PARD3B: variants seen among roughly 807,000 people sequenced by gnomAD.
PARD3B encodes par-3 family cell polarity regulator beta, also known as partitioning defective 3 homolog B.
In PARD3B, 103 loss-of-function variants were observed where a neutral mutation model predicts 130.2. The ratio of observed to expected loss-of-function variants is 0.79; its 90% CI spans 0.67 to 0.93. PARD3B has a LOEUF of 0.93. Ranked by LOEUF, PARD3B falls within the 40% of genes least tolerant of loss-of-function variation. PARD3B has a pLI of 0.00. For missense variants in PARD3B, 1,609 were observed against 1,499.2 expected (o/e 1.07, Z -1.21); for synonymous variants, 583 against 553.2 (o/e 1.05, Z -0.76).
chr2:205,164,601 A>C (rs2034694518), intron 11 of PARD3B, among the ~76,000 whole-genome samples: 1 of 152,078 alleles, frequency 6.6e-6, no homozygotes, highest in Non-Finnish European at 1.5e-5. Context: ...ACTGAATAAA[A>C]TTTTGGAATG....
intron 15 of PARD3B, among the ~76,000 whole-genome samples, chr2:205,199,486 C>T (rs759779): frequency 0.8 from 120,786 of 151,860 alleles, 48,640 homozygotes; most frequent in East Asian, 0.98. Context: ...CACACACACA[C>T]ATATATATAC....
chr2:205,181,227 A>G (rs761127668), intron 13 of PARD3B, among the ~76,000 whole-genome samples: 8 of 152,300 alleles, frequency 5.3e-5, no homozygotes, highest in Middle Eastern at 3.4e-3. Flanking sequence ...CCTCTGAGAC[A>G]CATCATAGTA....
At chr2:204,759,128 A>G (rs1455574801) in intron 2 of PARD3B, among the ~76,000 whole-genome samples, 2 of 152,128 alleles carry the variant, frequency 1.3e-5, no homozygotes, top group Admixed American at 6.6e-5. Context: ...TTCTCATAAT[A>G]ATTCTTCATG....
chr2:204,581,279 C>G (rs569890219), intron 1 of PARD3B, among the ~76,000 whole-genome samples: 1 of 152,264 alleles, frequency 6.6e-6, no homozygotes, highest in African/African-American at 2.4e-5. Flanking sequence ...ATCTAATTCT[C>G]CTAAAAGGGG....
chr2:204,930,239 G>T (rs941549134), intron 2 of PARD3B, among the ~76,000 whole-genome samples: 1 of 148,762 alleles, frequency 6.7e-6, no homozygotes. Flanking sequence ...CTAACATTTT[G>T]GAGTACAGTG....
intron 20 of PARD3B, among the ~76,000 whole-genome samples, chr2:205,456,248 T>A (rs920817069): frequency 1.3e-5 from 2 of 152,152 alleles, no homozygotes; most frequent in African/African-American, 2.4e-5. Flanking sequence ...TACCATTTGC[T>A]TAATCATTCA....
At chr2:205,520,537 G>A (rs2106396266) in intron 21 of PARD3B, among the ~76,000 whole-genome samples, 1 of 152,192 alleles carries the variant, frequency 6.6e-6, no homozygotes, top group Non-Finnish European at 1.5e-5. Context: ...GCTTAGGCCT[G>A]GAAGACAACA....
At chr2:205,010,164 G>T (rs995064609) in intron 3 of PARD3B, among the ~76,000 whole-genome samples, 4 of 152,138 alleles carry the variant, frequency 2.6e-5, no homozygotes, top group Non-Finnish European at 5.9e-5. Flanking sequence ...AGTCGGGGGA[G>T]ATCAGTTCCT....
chr2:204,748,539 A>G (rs991386760), intron 2 of PARD3B, among the ~76,000 whole-genome samples: 5 of 152,214 alleles, frequency 3.3e-5, no homozygotes, highest in South Asian at 4.1e-4. Context: ...TTGACTAGAC[A>G]TGGGGAGGTT....
Position 205,616,072 on chromosome 2 carries a change from G to A in PARD3B, c.*259G>A, listed in dbSNP as rs1285090116. 8 of 477,900 alleles carry A rather than the reference G, an allele frequency of 1.7e-5. No individual in the cohort carries two copies. The highest frequency in any genetic ancestry group is 2.6e-5 in the Non-Finnish European group (7 of 270,768). 29.6% of individuals were successfully genotyped at this position (477,900 alleles called of 1,614,324 possible). ...ACCTGATAGTTGAAACGCTTTCAGA[G>A]TTGTTCAAATCAGTGAGAGTGGCAA... On this transcript the variant is annotated 3_prime_UTR_variant, in exon 23 of 23. Transcript: ENST00000406610.
chr2:205,577,877 T>A (rs2053819462), intron 22 of PARD3B, among the ~76,000 whole-genome samples: 1 of 152,230 alleles, frequency 6.6e-6, no homozygotes, highest in African/African-American at 2.4e-5. Context: ...CCCATTGCTT[T>A]CCAAAGAAAG....
At chr2:205,448,192 G>A (rs1024785077) in intron 20 of PARD3B, among the ~76,000 whole-genome samples, 2 of 152,142 alleles carry the variant, frequency 1.3e-5, no homozygotes, top group African/African-American at 2.4e-5. Flanking sequence ...AGCCATTTGG[G>A]GAATGTGTAC....
rs1457491925 is a variant in PARD3B, at chr2:204,606,986, G to T, written c.120+60867G>T. 6.6e-6 allele frequency among the ~76,000 whole-genome samples: 1 copy of T among 151,986 alleles called. No individual in the cohort carries two copies. The highest frequency in any genetic ancestry group is 2.4e-5 in the African/African-American group (1 of 41,390). ...GCACCTGTCCTCCACTTTGATTCTT[G>T]CTTTAAAGTACATACTGGTTAGCAA... On this transcript the variant is annotated intron_variant, in intron 1 of 22. Transcript: ENST00000406610. The surrounding 1 kb of genome is among the most constrained non-coding windows in gnomAD (Gnocchi z 4.0).
chr2:204,984,979 G>A (rs909189001), intron 3 of PARD3B, among the ~76,000 whole-genome samples: 2 of 146,228 alleles, frequency 1.4e-5, no homozygotes, highest in South Asian at 2.2e-4. Flanking sequence ...AAGTCATTCA[G>A]TACAGCCCCA....
intron 1 of PARD3B, among the ~76,000 whole-genome samples, chr2:204,554,164 T>G (rs1323452385): frequency 1.3e-5 from 2 of 152,180 alleles, no homozygotes; most frequent in African/African-American, 4.8e-5. Context: ...TTTCCTCCTC[T>G]ACGTCTTAGC....
chr2:205,001,891 A>G (rs1160686894), intron 3 of PARD3B, among the ~76,000 whole-genome samples: 2 of 152,198 alleles, frequency 1.3e-5, no homozygotes, highest in East Asian at 3.9e-4. Flanking sequence ...ATTGGAGACG[A>G]TGCTGTCACC....
chr2:205,485,734 C>T (rs921568611), intron 20 of PARD3B, among the ~76,000 whole-genome samples: 18 of 152,166 alleles, frequency 1.2e-4, no homozygotes, highest in African/African-American at 3.9e-4. Flanking sequence ...ACACATTCCC[C>T]ACACTTGTGC....
chr2:205,060,582 A>C (rs987219442), intron 4 of PARD3B, among the ~76,000 whole-genome samples: 3 of 152,240 alleles, frequency 2.0e-5, no homozygotes, highest in East Asian at 1.9e-4. Flanking sequence ...ATTGTCTTCT[A>C]TATTGGCCAC....
At chr2:204,692,221 T>A (rs1309609437) in intron 2 of PARD3B, among the ~76,000 whole-genome samples, 1 of 152,126 alleles carries the variant, frequency 6.6e-6, no homozygotes, top group Admixed American at 6.6e-5. Context: ...TTGTTACAAC[T>A]CACAGACTCA....
Sources: allele counts gnomAD v4.1 joint callset (sites outside exome capture counted in the v4.1 genomes callset), GRCh38; gene constraint gnomAD v4.1.1; non-coding constraint Gnocchi (gnomAD v3.1); transcripts MANE v1.5; gene names NCBI Gene and HGNC (gene_info 2026-07-23, HGNC 2026-07-21).